Variants in FAM120C observed in about 807,000 individuals in gnomAD.
FAM120C encodes family with sequence similarity 120 member C.
FAM120C carries 14 observed loss-of-function variants against 71.2 expected under a neutral mutation model. That is an observed-to-expected ratio of 0.20 (90% CI 0.13 to 0.31). The LOEUF is 0.31. Among genes scored for constraint, FAM120C ranks in the 10% least tolerant of loss-of-function variants. The probability of loss-of-function intolerance (pLI) is 1.00; values close to 1 mark genes in which losing one functional copy is unlikely to be tolerated. For missense variants in FAM120C, 500 were observed against 879.0 expected (o/e 0.57, Z 5.45); for synonymous variants, 354 against 353.2 (o/e 1.00, Z -0.03).
intron 12 of FAM120C, among the ~76,000 whole-genome samples, chrX:54,086,518 C>G (rs2066794813): frequency 1.8e-5 from 2 of 110,563 alleles, no homozygotes; most frequent in Non-Finnish European, 3.8e-5. Context: ...ATTTGGGAGG[C>G]CAAGGCAGGT....
intron 1 of FAM120C, among the ~76,000 whole-genome samples, chrX:54,160,418 T>C (rs1557134292): frequency 9.0e-6 from 1 of 110,980 alleles, no homozygotes; most frequent in Non-Finnish European, 1.9e-5. Context: ...CAAAGTTGCA[T>C]AATGGGTGAG....
chrX:54,078,138 T>C (rs1333236192), intron 15 of FAM120C, among the ~76,000 whole-genome samples: 1 of 104,692 alleles, frequency 9.6e-6, no homozygotes, highest in Non-Finnish European at 2.0e-5. Context: ...AGAGACGGGG[T>C]TTCACCTTGT....
rs782076605 is a variant in FAM120C at position 54,085,861 on chromosome X, T to C, written c.2693A>G (p.Asn898Ser). The change falls in exon 13 of 16, where the codon AAC becomes AGC. Residue 898 changes from asparagine to serine, a missense_variant. Transcript: ENST00000375180. ...AGCAGAAGGCGGTGGATGATTCATG[T>C]TGACTCCTTCAAGGATGCTCTGTCT... is the stretch of plus-strand genomic sequence containing the variant. ...KMRQSILEGV[N>S]MNHPPPSALL... The C allele has an allele frequency of 5.8e-6, 7 of 1,209,840 alleles. No homozygotes were observed. The African/African-American group carries it at 1.2e-4, about 21-fold the overall frequency.
Position 54,136,583 on chromosome X carries a change from G to A in FAM120C, c.1166C>T (p.Thr389Ile), listed in dbSNP as rs1557130586. The part of the protein sequence containing the change: ...KDVFKQSQSR[T>I]EDKIERFKKA... ...CTTGAATCGCTCTATTTTATCTTCTGTCCTGGACTGGATGTTGGAACATCA... is the reference window on the plus strand; with the variant it reads ...CTTGAATCGCTCTATTTTATCTTCTATCCTGGACTGGATGTTGGAACATCA... Residue 389 changes from threonine (T) to isoleucine (I), a missense_variant, in exon 5 of 16, where the codon ACA (threonine) becomes ATA (isoleucine). Around this residue, in one of 11 missense-constraint regions of FAM120C, gnomAD observed 55 missense variants for 96.7 expected, o/e 0.57. Transcript: ENST00000375180. 1.7e-6 allele frequency: 2 copies of A among 1,183,264 alleles called. No individual in the cohort carries two copies. The highest frequency in any genetic ancestry group is 3.5e-5 in the African/African-American group (2 of 56,671).
chrX:54,139,306 A>C (rs1557131190), intron 4 of FAM120C, among the ~76,000 whole-genome samples: 1 of 100,717 alleles, frequency 9.9e-6, no homozygotes, highest in Non-Finnish European at 2.0e-5. Context: ...GTTATCTCTC[A>C]TAGATTTTGA....
chrX:54,090,152 G>A (rs781999782), intron 11 of FAM120C, among the ~76,000 whole-genome samples: 1 of 110,139 alleles, frequency 9.1e-6, no homozygotes, highest in East Asian at 2.8e-4. Context: ...GAATGGCTTG[G>A]TGCCCTCCCT....
At chrX:54,107,895 T>C (rs2066915397) in intron 10 of FAM120C, among the ~76,000 whole-genome samples, 1 of 95,010 alleles carries the variant, frequency 1.1e-5, no homozygotes, top group Non-Finnish European at 2.1e-5. Flanking sequence ...TAGTATATAT[T>C]GGGGATCTAG....
chrX:54,130,034 G>GGGGAGAGGGAGA (rs1207217002), intron 9 of FAM120C, among the ~76,000 whole-genome samples: 1 of 97,962 alleles, frequency 1.0e-5, no homozygotes, highest in African/African-American at 3.8e-5. Flanking sequence ...GGGAGACCCT[G>GGGGAGAGGGAGA]GGGAGAGGGA....
At chrX:54,080,968 G>C (rs2146555898) in intron 14 of FAM120C, among the ~76,000 whole-genome samples, 1 of 109,533 alleles carries the variant, frequency 9.1e-6, no homozygotes, top group African/African-American at 3.3e-5. Context: ...CCAGGAGTTT[G>C]AGCCCAGCCT....
chrX:54,172,482 TC>T (rs2067293375), intron 1 of FAM120C, among the ~76,000 whole-genome samples: 2 of 112,511 alleles, frequency 1.8e-5, no homozygotes, highest in Admixed American at 1.9e-4. Context: ...GTTTCTTGGG[TC>T]CAACAGTTCT....
chrX:54,142,493 G>A (rs2067130824), intron 4 of FAM120C, among the ~76,000 whole-genome samples: 1 of 112,136 alleles, frequency 8.9e-6, no homozygotes, highest in African/African-American at 3.2e-5. Context: ...ACTCACTGCT[G>A]GCACAGCAGT....
chrX:54,115,747 T>C (rs2066964294), intron 10 of FAM120C, among the ~76,000 whole-genome samples: 1 of 111,422 alleles, frequency 9.0e-6, no homozygotes, highest in Non-Finnish European at 1.9e-5. Flanking sequence ...AGAGGAACGA[T>C]TGATATATGA....
At chrX:54,178,114 A>C (rs868988779) in intron 1 of FAM120C, among the ~76,000 whole-genome samples, 5 of 112,127 alleles carry the variant, frequency 4.5e-5, no homozygotes, top group African/African-American at 1.6e-4. Flanking sequence ...GCTCGAAGGA[A>C]TTAGAAAATA....
At chrX:54,089,960 G>GA (rs1174263559) in intron 11 of FAM120C, among the ~76,000 whole-genome samples, 23 of 100,786 alleles carry the variant, frequency 2.3e-4, no homozygotes, top group Middle Eastern at 5.2e-3. Flanking sequence ...ACTCCATCTT[G>GA]AAAAAAAAAA....
intron 4 of FAM120C, among the ~76,000 whole-genome samples, chrX:54,149,801 T>C (rs1557132801): frequency 8.9e-6 from 1 of 111,995 alleles, no homozygotes; most frequent in Non-Finnish European, 1.9e-5. Context: ...AACTGTTCTG[T>C]ATTCTTATTG....
intron 12 of FAM120C, among the ~76,000 whole-genome samples, chrX:54,086,619 G>A (rs2066795492): frequency 9.3e-6 from 1 of 108,042 alleles, no homozygotes; most frequent in Admixed American, 9.9e-5. Context: ...GCCAGGCATG[G>A]TGGCATGTGC....
At chrX:54,161,752 C>G (rs905656942) in intron 1 of FAM120C, among the ~76,000 whole-genome samples, 1 of 112,329 alleles carries the variant, frequency 8.9e-6, no homozygotes, top group African/African-American at 3.2e-5. Context: ...CTGCCTCAGC[C>G]TCCTGAGTAG....
chrX:54,091,076 A>C (rs1179519241), intron 11 of FAM120C, among the ~76,000 whole-genome samples: 2 of 112,368 alleles, frequency 1.8e-5, no homozygotes, highest in African/African-American at 6.5e-5. Flanking sequence ...CTATGGGCCA[A>C]TATTTATTTT....
At chrX:54,170,333 A>G (rs934838860) in intron 1 of FAM120C, among the ~76,000 whole-genome samples, 1 of 110,308 alleles carries the variant, frequency 9.1e-6, no homozygotes, top group African/African-American at 3.3e-5. Context: ...GAGTTTCACC[A>G]TGTTGGCCAG....
Sources: allele counts gnomAD v4.1 joint callset (sites outside exome capture counted in the v4.1 genomes callset), GRCh38; gene constraint gnomAD v4.1.1; regional missense constraint gnomAD v4.1.1; transcripts MANE v1.5; gene names NCBI Gene and HGNC (gene_info 2026-07-23, HGNC 2026-07-21).